Variants in ESR1 observed in about 807,000 individuals in gnomAD.
ESR1 encodes the protein estrogen receptor.
ESR1 carries 12 observed loss-of-function variants against 52.7 expected under a neutral mutation model. The ratio of observed to expected loss-of-function variants is 0.23; its 90% CI spans 0.15 to 0.37. The LOEUF (loss-of-function observed/expected upper bound fraction) is 0.37. ESR1 is among the 10% of genes least tolerant of loss of function. ESR1 has a pLI of 1.00. For synonymous variants in ESR1, 305 were observed against 316.8 expected, an observed-to-expected ratio of 0.96 and a Z score of 0.39; for missense variants, 584 against 779.7, an observed-to-expected ratio of 0.75 and a Z score of 2.99.
At chr6:152,105,949 G>C (rs1313219517), downstream of ESR1, among the ~76,000 whole-genome samples, 1 of 149,208 alleles carries the variant, frequency 6.7e-6, no homozygotes, top group South Asian at 2.2e-4. Flanking sequence ...CACCGCGCCC[G>C]GCTAATTTTT....
At chr6:151,712,751 G>A (rs977942457) in intron 2 of ESR1, among the ~76,000 whole-genome samples, 2 of 152,156 alleles carry the variant, frequency 1.3e-5, no homozygotes, top group African/African-American at 4.8e-5. Context: ...AGATGATGGG[G>A]TTTTCTAAAT....
Position 152,094,701 on chromosome 6 carries a change from AG to A in ESR1, c.1553+134del. On this transcript the variant is annotated intron_variant, in intron 7 of 7. Coordinates refer to ENST00000206249, the MANE Select transcript of ESR1 (RefSeq NM_000125.4). This position sits in a 1 kb window ranked among gnomAD's most constrained non-coding sequence, Gnocchi z 4.6. ...TTGTGACAGTTCCTGGCATAGAATA[AG>A]CATAAATGCTATAGGAGGACAGAAG... 1.2e-6 allele frequency: 1 copy of A among 825,096 alleles called. No homozygotes were observed. The highest frequency in any genetic ancestry group is 2.0e-6 in the Non-Finnish European group (1 of 502,074). The allele number at this position is 825,096 out of a possible 1,614,324, so 51.1% of individuals were successfully genotyped here. A position where few individuals can be genotyped will look rare whatever the true frequency, so the allele number is the denominator to read the frequency against.
At chr6:152,112,844 T>A (rs779266051) in intron 6 of ESR1, 6 of 152,268 alleles carry the variant, frequency 3.9e-5, no homozygotes, top group Non-Finnish European at 4.4e-5. Flanking sequence ...ATTTCCATTC[T>A]GAAGACAAAA....
At chr6:151,946,092 G>T (rs1334379692) in intron 4 of ESR1, among the ~76,000 whole-genome samples, 2 of 152,152 alleles carry the variant, frequency 1.3e-5, no homozygotes, top group East Asian at 3.8e-4. Flanking sequence ...TTAATTGTTG[G>T]AATCTAATTG....
intron 2 of ESR1, among the ~76,000 whole-genome samples, chr6:151,862,704 G>A (rs1789105312): frequency 6.6e-6 from 1 of 152,066 alleles, no homozygotes; most frequent in African/African-American, 2.4e-5. Flanking sequence ...GTTCTTTGCT[G>A]GGGTATCTGA....
chr6:151,973,564 T>C (rs1172081767), intron 4 of ESR1, among the ~76,000 whole-genome samples: 1 of 152,186 alleles, frequency 6.6e-6, no homozygotes, highest in East Asian at 1.9e-4. Flanking sequence ...TGTTTTTTCC[T>C]GAGAGTCTAC....
At chr6:152,055,399 G>A (rs942138931) in intron 5 of ESR1, among the ~76,000 whole-genome samples, 4 of 152,026 alleles carry the variant, frequency 2.6e-5, no homozygotes, top group East Asian at 1.9e-4. Flanking sequence ...GTGACTTAAC[G>A]GTGACTCCCT....
At chr6:151,849,500 C>G (rs1785879786) in intron 2 of ESR1, among the ~76,000 whole-genome samples, 1 of 151,928 alleles carries the variant, frequency 6.6e-6, no homozygotes, top group African/African-American at 2.4e-5. Flanking sequence ...AAAAATTAGC[C>G]AGTTGTGATG....
chr6:151,900,216 C>T (rs1231752688), intron 3 of ESR1, among the ~76,000 whole-genome samples: 4 of 152,184 alleles, frequency 2.6e-5, no homozygotes, highest in African/African-American at 9.6e-5. Flanking sequence ...CTTTCTTATG[C>T]TTGTTTTATT....
At chr6:151,917,598 C>A (rs938627703) in intron 3 of ESR1, among the ~76,000 whole-genome samples, 1 of 152,042 alleles carries the variant, frequency 6.6e-6, no homozygotes, top group Admixed American at 6.6e-5. Flanking sequence ...TTGATCTAGG[C>A]CTTGACTCTT....
chr6:151,732,940 G>A (rs979335922), intron 2 of ESR1, among the ~76,000 whole-genome samples: 1 of 152,104 alleles, frequency 6.6e-6, no homozygotes, highest in African/African-American at 2.4e-5. Flanking sequence ...CATACCCTGT[G>A]CTCCACTCCC....
intron 5 of ESR1, among the ~76,000 whole-genome samples, chr6:152,013,785 A>G (rs1198759527): frequency 1.3e-5 from 2 of 152,098 alleles, no homozygotes; most frequent in Non-Finnish European, 2.9e-5. Flanking sequence ...ATTCATTCCT[A>G]CTTTCTAAAA....
intron 2 of ESR1, among the ~76,000 whole-genome samples, chr6:151,707,817 A>C (rs184736434): frequency 1.3e-5 from 2 of 152,268 alleles, no homozygotes; most frequent in African/African-American, 4.8e-5. Flanking sequence ...AAATCAAATC[A>C]TGATTTTATT....
intron 4 of ESR1, among the ~76,000 whole-genome samples, chr6:151,973,376 CA>C (rs1167185833): frequency 6.6e-6 from 1 of 152,104 alleles, no homozygotes; most frequent in Non-Finnish European, 1.5e-5. Flanking sequence ...CTGAATTGCA[CA>C]CAAGCTAAAG....
In ESR1 at chr6:152,022,134, T is replaced by C. The variant is rs535688115; in HGVS notation, c.1235+10340T>C. On this transcript the variant is annotated intron_variant, in intron 5 of 7. Coordinates refer to ENST00000206249, the MANE Select transcript of ESR1 (RefSeq NM_000125.4). ...GGTTATGTATCTCCAAGTGTGGTCA[T>C]GACAAGCATCACTACTGTGTGCAGT... is the stretch of plus-strand genomic sequence containing the variant. Among the ~76,000 whole-genome samples the C allele has an allele frequency of 4.6e-5, 7 of 152,284 alleles. No individual in the cohort carries two copies. The South Asian group carries it at 1.5e-3, about 32-fold the overall frequency.
At chr6:152,122,582 G>T (rs1333054023) in intron 6 of ESR1, 1 of 1,614,214 alleles carries the variant, frequency 6.2e-7, no homozygotes, top group Admixed American at 1.7e-5. Flanking sequence ...AGCTGAAGGG[G>T]AAGAGCTGCT....
chr6:151,827,334 G>A (rs1431474656), intron 1 of ESR1, among the ~76,000 whole-genome samples: 1 of 129,564 alleles, frequency 7.7e-6, no homozygotes. Context: ...GACAGAGCGA[G>A]ACCCTGTCTC....
intron 3 of ESR1, among the ~76,000 whole-genome samples, chr6:151,903,153 T>C (rs1437134699): frequency 6.6e-6 from 1 of 152,186 alleles, no homozygotes; most frequent in African/African-American, 2.4e-5. Context: ...TTTTAGTAAT[T>C]TTTTTTATTA....
upstream of ESR1, among the ~76,000 whole-genome samples, chr6:151,802,948 C>T (rs1204875167): frequency 6.6e-6 from 1 of 150,598 alleles, no homozygotes; most frequent in African/African-American, 2.5e-5. Context: ...GCCGAGATCA[C>T]ACCAGTGTAC....
Sources: gnomAD v4.1 joint callset for allele counts (sites outside exome capture counted in the v4.1 genomes callset) on GRCh38, gnomAD v4.1.1 for gene constraint, Gnocchi (gnomAD v3.1) non-coding constraint, MANE v1.5 for transcripts, NCBI Gene and HGNC (gene_info 2026-07-23, HGNC 2026-07-21) for gene names.